TAFA1: variants seen among roughly 807,000 people sequenced by gnomAD.
TAFA1 encodes chemokine-like protein TAFA-1.
In TAFA1, 4 loss-of-function variants were observed where a neutral mutation model predicts 18.5. The observed-to-expected ratio is 0.22, with a 90% CI of 0.11 to 0.49. The LOEUF (loss-of-function observed/expected upper bound fraction) is 0.49, where lower values mean the gene tolerates loss of function less well. Among genes scored for constraint, TAFA1 ranks in the 20% least tolerant of loss-of-function variants. The pLI, the probability that TAFA1 is intolerant of heterozygous loss-of-function variation, is 0.98. For synonymous variants in TAFA1, 56 were observed against 55.2 expected (o/e 1.01, Z -0.06); for missense variants, 147 against 169.0 (o/e 0.87, Z 0.72).
intron 2 of TAFA1, among the ~76,000 whole-genome samples, chr3:68,249,097 C>A (rs1414265804): frequency 2.6e-5 from 4 of 152,134 alleles, no homozygotes; most frequent in Non-Finnish European, 4.4e-5. Flanking sequence ...GGGCTCAGCA[C>A]AACAGATCAC....
intron 2 of TAFA1, chr3:68,145,484 A>G: frequency 2.2e-6 from 2 of 905,690 alleles, no homozygotes; most frequent in Non-Finnish European, 3.7e-6. Flanking sequence ...CACCACAAGA[A>G]TGGTTCTGCC....
chr3:68,086,514 C>T (rs1387446594), intron 2 of TAFA1, among the ~76,000 whole-genome samples: 1 of 152,198 alleles, frequency 6.6e-6, no homozygotes, highest in Admixed American at 6.5e-5. Flanking sequence ...TGCATTTTCA[C>T]TTATTCTTAT....
chr3:68,275,639 G>C (rs1257502798), intron 2 of TAFA1, among the ~76,000 whole-genome samples: 1 of 151,998 alleles, frequency 6.6e-6, no homozygotes, highest in Non-Finnish European at 1.5e-5. Context: ...TAATGATGAG[G>C]AATGTCCTCT....
intron 2 of TAFA1, among the ~76,000 whole-genome samples, chr3:68,207,421 G>C (rs937815893): frequency 2.0e-5 from 3 of 151,868 alleles, no homozygotes; most frequent in Admixed American, 6.6e-5. Flanking sequence ...GTAGAGTATT[G>C]TCTAACCACT....
At chr3:67,995,385 C>G in the TAFA1 span, among the ~76,000 whole-genome samples, 1 of 152,094 alleles carries the variant, frequency 6.6e-6, no homozygotes, top group Admixed American at 6.6e-5. Context: ...GGGGCCAGGG[C>G]ATTTAGAGTT....
At chr3:68,356,223 A>G (rs1462177984) in intron 2 of TAFA1, among the ~76,000 whole-genome samples, 1 of 151,890 alleles carries the variant, frequency 6.6e-6, no homozygotes, top group East Asian at 1.9e-4. Flanking sequence ...TGGGTGATAT[A>G]GCACTTACCT....
intron 2 of TAFA1, among the ~76,000 whole-genome samples, chr3:68,277,676 A>G (rs2067821468): frequency 6.6e-6 from 1 of 152,212 alleles, no homozygotes. Flanking sequence ...AGTGATGGAC[A>G]GCCTTCCAAA....
At chr3:68,389,980 A>G (rs1226237277) in intron 2 of TAFA1, among the ~76,000 whole-genome samples, 2 of 152,138 alleles carry the variant, frequency 1.3e-5, no homozygotes. Flanking sequence ...CTTGTACCCC[A>G]GTGGTGCCTG....
chr3:68,081,579 G>A (rs1220350180), intron 2 of TAFA1, among the ~76,000 whole-genome samples: 2 of 152,182 alleles, frequency 1.3e-5, no homozygotes, highest in African/African-American at 2.4e-5. Context: ...GCCGTGTAAG[G>A]TGTCAATGTG....
rs17047585 is a variant in TAFA1 at position 68,363,194 on chromosome 3, A to G, written c.119-54086A>G. On this transcript the variant is annotated intron_variant, in intron 2 of 4. Transcript: ENST00000478136. ...TTGGAATGCATGCCTGGCACATGGTAGGTGTTCAACATTTGTTAATTTGGG... is the reference window on the plus strand; with the variant it reads ...TTGGAATGCATGCCTGGCACATGGTGGGTGTTCAACATTTGTTAATTTGGG... Among the ~76,000 whole-genome samples the G allele has an allele frequency of 0.011, 1,627 of 152,152 alleles. 83 individuals are homozygous for G. The East Asian group carries it at 0.16, about 15-fold the overall frequency.
chr3:68,439,507 C>G (rs572762446), intron 3 of TAFA1, among the ~76,000 whole-genome samples: 6 of 146,470 alleles, frequency 4.1e-5, no homozygotes, highest in African/African-American at 1.3e-4. Context: ...ATCTGCAGGC[C>G]GAGGAGCTAG....
At chr3:68,469,623 A>C (rs1163006552) in intron 3 of TAFA1, among the ~76,000 whole-genome samples, 1 of 152,160 alleles carries the variant, frequency 6.6e-6, no homozygotes, top group East Asian at 1.9e-4. Flanking sequence ...CAGTGAGCCG[A>C]GATAGCACCA....
intron 2 of TAFA1, among the ~76,000 whole-genome samples, chr3:68,341,611 A>C: frequency 6.6e-6 from 1 of 152,256 alleles, no homozygotes; most frequent in South Asian, 2.1e-4. Flanking sequence ...GGCTATTACC[A>C]ATTTTGTTGC....
chr3:68,470,584 T>C (rs1424292131), intron 3 of TAFA1, among the ~76,000 whole-genome samples: 1 of 152,224 alleles, frequency 6.6e-6, no homozygotes, highest in Non-Finnish European at 1.5e-5. Flanking sequence ...GCTCTTGCTA[T>C]GTTTTAGCAA....
At chr3:68,393,766 G>GT (rs1214149601) in intron 2 of TAFA1, among the ~76,000 whole-genome samples, 18 of 151,920 alleles carry the variant, frequency 1.2e-4, no homozygotes, top group Admixed American at 3.9e-4. Context: ...CAAAAATTAC[G>GT]TGATTATCTC....
At chr3:68,066,576 G>A (rs886844185) in intron 2 of TAFA1, among the ~76,000 whole-genome samples, 1 of 152,142 alleles carries the variant, frequency 6.6e-6, no homozygotes, top group African/African-American at 2.4e-5. Context: ...GCAAAGAACT[G>A]AGCAGTACCC....
chr3:68,093,785 A>T lies in TAFA1; in HGVS notation c.118+87041A>T, dbSNP rs2065055677. ...TACCAAAGTTGGATAAAGGTTGATGAAAAATAAGAATCCAAGTTTCTTATC... is the reference window on the plus strand; with the variant it reads ...TACCAAAGTTGGATAAAGGTTGATGTAAAATAAGAATCCAAGTTTCTTATC... On this transcript the variant is annotated intron_variant, in intron 2 of 4. Coordinates refer to ENST00000478136, the MANE Select transcript of TAFA1 (RefSeq NM_213609.4). Among the ~76,000 whole-genome samples the T allele has an allele frequency of 2.0e-5, 3 of 152,178 alleles. 1 individual carries two copies. The South Asian group carries it at 6.2e-4, about 32-fold the overall frequency.
chr3:68,432,366 T>C (rs750001090), intron 3 of TAFA1, among the ~76,000 whole-genome samples: 1 of 151,978 alleles, frequency 6.6e-6, no homozygotes, highest in South Asian at 2.1e-4. Flanking sequence ...AAACCACAAA[T>C]GCGTAATCCA....
intron 2 of TAFA1, among the ~76,000 whole-genome samples, chr3:68,305,073 A>G (rs1014600192): frequency 2.0e-5 from 3 of 152,108 alleles, no homozygotes; most frequent in African/African-American, 7.2e-5. Flanking sequence ...CTTAAGTTCT[A>G]GAAGCTGGAA....
Sources: gnomAD v4.1 joint callset for allele counts (sites outside exome capture counted in the v4.1 genomes callset) on GRCh38, gnomAD v4.1.1 for gene constraint, MANE v1.5 for transcripts, NCBI Gene and HGNC (gene_info 2026-07-23, HGNC 2026-07-21) for gene names.